The following SLC24A2 variants were observed in gnomAD, a reference collection of about 807,000 sequenced individuals.
SLC24A2 encodes sodium/potassium/calcium exchanger 2.
SLC24A2 carries 36 observed loss-of-function variants against 62.0 expected under a neutral mutation model. That is an observed-to-expected ratio of 0.58 (90% CI 0.44 to 0.77). The LOEUF is 0.77. Among genes scored for constraint, SLC24A2 ranks in the 30% least tolerant of loss-of-function variants. The pLI is 0.00. For synonymous variants in SLC24A2, 358 were observed against 294.0 expected, an observed-to-expected ratio of 1.22 and a Z score of -2.23; for missense variants, 846 against 817.9, an observed-to-expected ratio of 1.03 and a Z score of -0.42.
rs555938604 is a variant in SLC24A2, at chr9:19,734,289, C to T, written c.930+51648G>A. On this transcript the variant is annotated intron_variant, in intron 2 of 10. Coordinates refer to ENST00000341998, the MANE Select transcript of SLC24A2 (RefSeq NM_020344.4). Reference sequence around the variant, plus strand: ...TACCATGCTGTTTTGGTTACTGTAGCCTTGTAGTATAGTTTGAAGTCAGGT... The same window carrying T: ...TACCATGCTGTTTTGGTTACTGTAGTCTTGTAGTATAGTTTGAAGTCAGGT... 1.1e-3 allele frequency among the ~76,000 whole-genome samples: 171 copies of T among 152,202 alleles called. 1 individual carries two copies. The highest frequency in any genetic ancestry group is 3.8e-3 in the African/African-American group (157 of 41,514).
intron 2 of SLC24A2, among the ~76,000 whole-genome samples, chr9:19,630,929 G>T (rs1483134526): frequency 6.6e-6 from 1 of 152,174 alleles, no homozygotes; most frequent in African/African-American, 2.4e-5. Context: ...ACTCATTCAT[G>T]TCACGAAGAT....
At chr9:19,971,236 T>C in the SLC24A2 span, among the ~76,000 whole-genome samples, 21 of 152,296 alleles carry the variant, frequency 1.4e-4, no homozygotes, top group African/African-American at 4.8e-4. Context: ...ACAAAAAGAA[T>C]GTCTTAGCTG....
chr9:20,111,940 C>G, the SLC24A2 span, among the ~76,000 whole-genome samples: 1 of 152,032 alleles, frequency 6.6e-6, no homozygotes, highest in Non-Finnish European at 1.5e-5. Context: ...AAAATAATAT[C>G]ATTTTAAAAT....
intron 4 of SLC24A2, among the ~76,000 whole-genome samples, chr9:19,604,080 T>C (rs2180940): frequency 0.55 from 83,290 of 152,120 alleles, 23,106 homozygotes; most frequent in East Asian, 0.77. Context: ...AGGGGCACTC[T>C]GTATGCGTTC....
the SLC24A2 span, among the ~76,000 whole-genome samples, chr9:20,274,345 T>C: frequency 3.7e-4 from 57 of 152,288 alleles, no homozygotes; most frequent in Non-Finnish European, 6.6e-4. Flanking sequence ...GCCAAGATTA[T>C]GAAAGGCATT....
At chr9:19,702,356 T>C (rs904418022) in intron 2 of SLC24A2, among the ~76,000 whole-genome samples, 16 of 152,212 alleles carry the variant, frequency 1.1e-4, no homozygotes, top group African/African-American at 3.6e-4. Context: ...AACTGATATA[T>C]GTTGAGCCAT....
At chr9:20,082,570 C>T in the SLC24A2 span, among the ~76,000 whole-genome samples, 2 of 152,246 alleles carry the variant, frequency 1.3e-5, no homozygotes, top group Non-Finnish European at 2.9e-5. Context: ...CTCTGCATGG[C>T]TGCTCTGAGG....
chr9:19,672,772 A>G (rs77094375), intron 2 of SLC24A2, among the ~76,000 whole-genome samples: 4,942 of 146,340 alleles, frequency 0.034, 1,090 homozygotes, highest in African/African-American at 0.13. Flanking sequence ...TTTAATATCC[A>G]TCTTGATTTC....
At chr9:20,135,725 T>G in the SLC24A2 span, among the ~76,000 whole-genome samples, 2 of 152,190 alleles carry the variant, frequency 1.3e-5, no homozygotes, top group Admixed American at 1.3e-4. Context: ...CTAGTTTTGC[T>G]TATTTTTTTT....
intron 2 of SLC24A2, among the ~76,000 whole-genome samples, chr9:19,667,317 C>A (rs917101981): frequency 1.3e-5 from 2 of 152,128 alleles, no homozygotes; most frequent in African/African-American, 4.8e-5. Context: ...TCCTTTCTAC[C>A]TTCCCACCCA....
At chr9:19,640,758 C>T (rs1189598219) in intron 2 of SLC24A2, among the ~76,000 whole-genome samples, 1 of 152,122 alleles carries the variant, frequency 6.6e-6, no homozygotes, top group East Asian at 1.9e-4. Flanking sequence ...ACTTTATTTA[C>T]AAGAATAAGC....
the SLC24A2 span, among the ~76,000 whole-genome samples, chr9:20,060,747 G>C: frequency 6.6e-6 from 1 of 152,032 alleles, no homozygotes; most frequent in Non-Finnish European, 1.5e-5. Flanking sequence ...ATATTAGAAA[G>C]AAAGAAGTAA....
the SLC24A2 span, among the ~76,000 whole-genome samples, chr9:20,147,094 C>T: frequency 6.6e-6 from 1 of 152,138 alleles, no homozygotes; most frequent in South Asian, 2.1e-4. Flanking sequence ...AAAAAGTTGT[C>T]CTGGTTTACT....
intron 2 of SLC24A2, among the ~76,000 whole-genome samples, chr9:19,668,651 T>C (rs1819326053): frequency 6.6e-6 from 1 of 152,178 alleles, no homozygotes; most frequent in Non-Finnish European, 1.5e-5. Flanking sequence ...AGTATCCGCC[T>C]GCCTCCGACA....
At chr9:20,171,176 T>C in the SLC24A2 span, among the ~76,000 whole-genome samples, 1 of 151,934 alleles carries the variant, frequency 6.6e-6, no homozygotes, top group Non-Finnish European at 1.5e-5. Context: ...GCTGAGAGAA[T>C]TTGCCACTAC....
chr9:19,890,814 T>C, the SLC24A2 span, among the ~76,000 whole-genome samples: 1 of 152,180 alleles, frequency 6.6e-6, no homozygotes, highest in Non-Finnish European at 1.5e-5. Flanking sequence ...TAGCTTTTAA[T>C]AGTATCTGTA....
intron 2 of SLC24A2, among the ~76,000 whole-genome samples, chr9:19,768,362 C>T (rs1361057605): frequency 2.1e-4 from 32 of 152,162 alleles, no homozygotes; most frequent in Admixed American, 2.0e-3. Flanking sequence ...CGCCAATGAC[C>T]TCTTCATTGC....
At chr9:19,648,274 T>C (rs1350043551) in intron 2 of SLC24A2, among the ~76,000 whole-genome samples, 3 of 152,030 alleles carry the variant, frequency 2.0e-5, no homozygotes, top group African/African-American at 4.8e-5. Context: ...CTGATTCTAA[T>C]AAAAAAGGGA....
At chr9:19,672,763 T>C (rs1199307348) in intron 2 of SLC24A2, among the ~76,000 whole-genome samples, 1 of 146,636 alleles carries the variant, frequency 6.8e-6, no homozygotes, top group Non-Finnish European at 1.5e-5. Context: ...AAAGAATTTT[T>C]TAATATCCAT....
Sources: gnomAD v4.1 joint callset for allele counts (sites outside exome capture counted in the v4.1 genomes callset) on GRCh38, gnomAD v4.1.1 for gene constraint, MANE v1.5 for transcripts, NCBI Gene and HGNC (gene_info 2026-07-23, HGNC 2026-07-21) for gene names.